The following PCMT1 variants were observed in gnomAD, a reference collection of about 807,000 sequenced individuals.
PCMT1 encodes protein-L-isoaspartate (D-aspartate) O-methyltransferase.
In PCMT1, 9 loss-of-function variants were observed where a neutral mutation model predicts 29.2. The observed-to-expected ratio is 0.31, with a 90% CI of 0.19 to 0.54. PCMT1 has a LOEUF of 0.54. PCMT1 is among the 20% of genes least tolerant of loss of function. The probability of loss-of-function intolerance (pLI) is 0.95; values close to 1 mark genes in which losing one functional copy is unlikely to be tolerated. For synonymous variants in PCMT1, 98 were observed against 97.5 expected (o/e 1.00, Z -0.03); for missense variants, 184 against 282.2 (o/e 0.65, Z 2.49).
At chr6:149,772,205 A>G (rs907928494) in intron 2 of PCMT1, 4 of 400,418 alleles carry the variant, frequency 1.0e-5, no homozygotes, top group Non-Finnish European at 2.0e-5. Context: ...GGCACCTGCT[A>G]CCACCGCTCA....
chr6:149,774,152 A>G (rs770815992), intron 3 of PCMT1, among the ~76,000 whole-genome samples: 1 of 151,106 alleles, frequency 6.6e-6, no homozygotes, highest in South Asian at 2.1e-4. Flanking sequence ...ACTGTGCCCA[A>G]CCTTTTCTTA....
intron 3 of PCMT1, among the ~76,000 whole-genome samples, chr6:149,785,895 C>T (rs1287638167): frequency 1.9e-3 from 284 of 149,502 alleles, no homozygotes; most frequent in Non-Finnish European, 2.1e-3. Flanking sequence ...CCATTGTCAT[C>T]CTGGCCCGTT....
intron 1 of PCMT1, among the ~76,000 whole-genome samples, chr6:149,770,312 A>G (rs373458856): frequency 2.6e-5 from 4 of 152,176 alleles, no homozygotes; most frequent in Admixed American, 2.0e-4. Context: ...CAGCGTATCA[A>G]TGATTACCTC....
chr6:149,789,491 C>G (rs1788265068), intron 3 of PCMT1, among the ~76,000 whole-genome samples: 2 of 152,092 alleles, frequency 1.3e-5, no homozygotes, highest in African/African-American at 4.8e-5. Flanking sequence ...GAGTTCGAGA[C>G]CAGCCTGACC....
intron 4 of PCMT1, among the ~76,000 whole-genome samples, chr6:149,792,524 G>A (rs944592776): frequency 4.0e-5 from 6 of 151,890 alleles, no homozygotes; most frequent in African/African-American, 1.5e-4. Context: ...CTTTTTGTTT[G>A]TTTTCTGAGA....
intron 7 of PCMT1, among the ~76,000 whole-genome samples, chr6:149,807,969 T>G (rs1776059522): frequency 1.3e-5 from 2 of 152,330 alleles, no homozygotes; most frequent in South Asian, 4.1e-4. Context: ...GGATATATTC[T>G]GTTACTTTTG....
intron 1 of PCMT1, among the ~76,000 whole-genome samples, chr6:149,753,595 T>C (rs1364685734): frequency 6.6e-6 from 1 of 152,176 alleles, no homozygotes; most frequent in Admixed American, 6.5e-5. Flanking sequence ...CCTCCCAAAG[T>C]GCTGGGATTA....
chr6:149,788,890 C>A (rs1788230781), intron 3 of PCMT1, among the ~76,000 whole-genome samples: 1 of 152,012 alleles, frequency 6.6e-6, no homozygotes, highest in Non-Finnish European at 1.5e-5. Flanking sequence ...GGCTGATTTT[C>A]TTAATTTTTT....
At chr6:149,762,514 CT>C (rs1786785256) in intron 1 of PCMT1, among the ~76,000 whole-genome samples, 1 of 61,860 alleles carries the variant, frequency 1.6e-5, no homozygotes, top group Non-Finnish European at 2.3e-5. Context: ...ATATATATAT[CT>C]ATGATATATA....
At chr6:149,786,852 A>T (rs1788120521) in intron 3 of PCMT1, among the ~76,000 whole-genome samples, 1 of 145,750 alleles carries the variant, frequency 6.9e-6, no homozygotes, top group African/African-American at 2.6e-5. Context: ...CTGGGCAGAG[A>T]CGCTCCTCAT....
chr6:149,789,702 AT>A (rs1228073228), intron 3 of PCMT1, among the ~76,000 whole-genome samples: 2 of 136,162 alleles, frequency 1.5e-5, no homozygotes, highest in African/African-American at 6.2e-5. Context: ...AAATCTTTTA[AT>A]TTTTTTACTG....
chr6:149,758,204 C>CTTTTTTTTTT (rs1583003709), intron 1 of PCMT1, among the ~76,000 whole-genome samples: 3 of 68,180 alleles, frequency 4.4e-5, no homozygotes, highest in South Asian at 4.5e-4. Flanking sequence ...TTCTTTCTTT[C>CTTTTTTTTTT]TTTCTTTTTT....
chr6:149,773,350 AGTTTT>A (rs71709110), intron 3 of PCMT1, among the ~76,000 whole-genome samples, 181 bp downstream of exon 3: 7,980 of 150,796 alleles, frequency 0.053, 336 homozygotes, highest in African/African-American at 0.11. Flanking sequence ...CTGTAGAAGG[AGTTTT>A]GTTTTGTTTT....
At chr6:149,765,359 CAAA>C (rs745563333) in intron 1 of PCMT1, among the ~76,000 whole-genome samples, 4 of 85,654 alleles carry the variant, frequency 4.7e-5, no homozygotes, top group African/African-American at 9.1e-5. Flanking sequence ...GACTCTGTCT[CAAA>C]AAAAAAAAAA....
intron 1 of PCMT1, among the ~76,000 whole-genome samples, chr6:149,766,800 C>T (rs1234604459): frequency 6.6e-6 from 1 of 152,208 alleles, no homozygotes; most frequent in Non-Finnish European, 1.5e-5. Flanking sequence ...CTTCTCCTAT[C>T]CTCTAGCAAC....
chr6:149,802,256 C>T lies in PCMT1; in HGVS notation c.561C>T (p.Gly187=), dbSNP rs747095095. 5 of 1,612,552 alleles carry T rather than the reference C, an allele frequency of 3.1e-6. No homozygotes were observed. Among genetic ancestry groups the T allele is most frequent in the East Asian group, 2.2e-5 (1 of 44,882 alleles). The change falls in exon 7 of 8, where the codon GGC becomes GGT. Residue 187 remains glycine, a synonymous_variant. Transcript: ENST00000464889. ...TGATATTGCCTGTTGGTCCTGCAGG[C>T]GGAAACCAAATGTTGGAGCAGTATG... The part of the protein sequence containing the change: ...GRLILPVGPA[G]GNQMLEQYDK...
At chr6:149,800,524 TTTC>T (rs1775796854) in intron 6 of PCMT1, among the ~76,000 whole-genome samples, 1 of 151,884 alleles carries the variant, frequency 6.6e-6, no homozygotes, top group African/African-American at 2.4e-5. Context: ...CAGAGTAAGG[TTTC>T]TTCTTTAATG....
Position 149,793,642 on chromosome 6 carries a change from C to G in PCMT1, c.391C>G (p.Leu131Val), listed in dbSNP as rs139332916. The G allele has an allele frequency of 6.4e-7, 1 of 1,564,842 alleles. No homozygotes were observed. Among genetic ancestry groups the G allele is most frequent in the South Asian group, 1.2e-5 (1 of 81,520 alleles). ...TGTCAGGAAGGACGATCCAACACTT[C>G]TGTCTTCAGGGAGAGTACAGCTTGT... Reference protein sequence around the residue: ...NNVRKDDPTLLSSGRVQLVVG... With the variant: ...NNVRKDDPTLVSSGRVQLVVG... Residue 131 changes from leucine (L) to valine (V), a missense_variant, in exon 5 of 8, where the codon CTG (leucine) becomes GTG (valine). Physicochemically the swap from Leu to Val is conservative, Grantham distance 32. Transcript: ENST00000464889.
At chr6:149,771,845 A>G (rs1789226858) in intron 2 of PCMT1, among the ~76,000 whole-genome samples, 1 of 152,154 alleles carries the variant, frequency 6.6e-6, no homozygotes, top group African/African-American at 2.4e-5. Context: ...ATGAAAACTT[A>G]CAGTATTAGC....
Sources: gnomAD v4.1 joint callset for allele counts (sites outside exome capture counted in the v4.1 genomes callset) on GRCh38, gnomAD v4.1.1 for gene constraint, MANE v1.5 for transcripts, NCBI Gene and HGNC (gene_info 2026-07-23, HGNC 2026-07-21) for gene names.